Variants in PLXNA4 observed in about 807,000 individuals in gnomAD.
PLXNA4 encodes plexin A4.
In PLXNA4, 44 loss-of-function variants were observed where a neutral mutation model predicts 191.8. The observed-to-expected ratio is 0.23, with a 90% confidence interval of 0.18 to 0.29. The LOEUF (loss-of-function observed/expected upper bound fraction) is 0.29. Ranked by LOEUF, PLXNA4 falls within the 10% of genes least tolerant of loss-of-function variation. PLXNA4 has a pLI of 1.00. For synonymous variants in PLXNA4, 1,082 were observed against 1,009.5 expected, an observed-to-expected ratio of 1.07 and a Z score of -1.36; for missense variants, 1,800 against 2,488.8, an observed-to-expected ratio of 0.72 and a Z score of 5.89.
intron 3 of PLXNA4, among the ~76,000 whole-genome samples, chr7:132,394,003 G>GT (rs1232956718): frequency 1.5e-5 from 2 of 129,962 alleles, no homozygotes; most frequent in Non-Finnish European, 3.2e-5. Context: ...TTTTTTTTTC[G>GT]TATTAACTGG....
chr7:132,617,736 TAAG>T (rs1260067832), intron 2 of PLXNA4, among the ~76,000 whole-genome samples: 2 of 152,206 alleles, frequency 1.3e-5, no homozygotes, highest in African/African-American at 4.8e-5. Flanking sequence ...CCCAAGTGGA[TAAG>T]AAGAGGAGAT....
chr7:132,166,882 C>T (rs1474900985), intron 22 of PLXNA4, among the ~76,000 whole-genome samples: 2 of 152,156 alleles, frequency 1.3e-5, no homozygotes, highest in African/African-American at 2.4e-5. Flanking sequence ...TCTGCTGGCT[C>T]TTATATGCAG....
At chr7:132,647,362 TAC>T (rs1447055430) in intron 1 of PLXNA4, among the ~76,000 whole-genome samples, 5 of 145,674 alleles carry the variant, frequency 3.4e-5, no homozygotes, top group Admixed American at 6.8e-5. Flanking sequence ...TACACTGACA[TAC>T]ACACACACAT....
At chr7:132,418,952 T>C (rs961197610) in intron 3 of PLXNA4, among the ~76,000 whole-genome samples, 1 of 152,210 alleles carries the variant, frequency 6.6e-6, no homozygotes, top group Non-Finnish European at 1.5e-5. Flanking sequence ...TCCGTGACAC[T>C]TTTGGCAATA....
chr7:132,358,995 C>T (rs910794237), intron 3 of PLXNA4, among the ~76,000 whole-genome samples: 1 of 152,226 alleles, frequency 6.6e-6, no homozygotes, highest in Admixed American at 6.5e-5. Flanking sequence ...AGAAAAAGCA[C>T]CAGAATCAGA....
intron 1 of PLXNA4, among the ~76,000 whole-genome samples, chr7:132,562,997 CCTCCTT>C (rs1801353647): frequency 1.8e-5 from 2 of 114,152 alleles, no homozygotes; most frequent in African/African-American, 3.6e-5. Context: ...TCCTCCTCCT[CCTCCTT>C]CTCCTCCTCT....
chr7:132,591,228 G>A (rs1270763995), intron 2 of PLXNA4, among the ~76,000 whole-genome samples: 1 of 152,154 alleles, frequency 6.6e-6, no homozygotes, highest in Non-Finnish European at 1.5e-5. Flanking sequence ...GAAACACAGG[G>A]CCCATGTTGG....
At chr7:132,547,350 G>A (rs373468765) in intron 1 of PLXNA4, among the ~76,000 whole-genome samples, 11 of 152,150 alleles carry the variant, frequency 7.2e-5, no homozygotes, top group East Asian at 3.9e-4. Flanking sequence ...ATCTGATTTC[G>A]GAGTCTTTAC....
intron 3 of PLXNA4, among the ~76,000 whole-genome samples, chr7:132,487,609 T>C (rs137895247): frequency 5.6e-4 from 86 of 152,324 alleles, no homozygotes; most frequent in African/African-American, 1.9e-3. Flanking sequence ...TTTGGCTATC[T>C]GGTTTCCTAG....
intron 3 of PLXNA4, among the ~76,000 whole-genome samples, chr7:132,335,286 C>A (rs1802772019): frequency 6.6e-6 from 1 of 152,278 alleles, no homozygotes. Flanking sequence ...CATTTTGATT[C>A]TGGAGGGAGG....
chr7:132,502,139 A>T (rs937242312), intron 2 of PLXNA4, among the ~76,000 whole-genome samples: 2 of 152,178 alleles, frequency 1.3e-5, no homozygotes, highest in African/African-American at 2.4e-5. Context: ...GCCATTCCGG[A>T]TGCTCACTTT....
At chr7:132,392,432 T>C (rs1312841627) in intron 3 of PLXNA4, among the ~76,000 whole-genome samples, 5 of 152,188 alleles carry the variant, frequency 3.3e-5, no homozygotes, top group Admixed American at 3.3e-4. Context: ...GTGCGGACAC[T>C]GTTTCTCCCA....
chr7:132,283,166 C>T lies in PLXNA4; in HGVS notation c.1503+14925G>A, dbSNP rs980587534. 1.3e-5 allele frequency among the ~76,000 whole-genome samples: 2 copies of T among 152,004 alleles called. 1 individual carries two copies. The highest frequency in any genetic ancestry group is 2.9e-5 in the Non-Finnish European group (2 of 68,008). On this transcript the variant is annotated intron_variant, in intron 4 of 31. Coordinates refer to ENST00000321063, the MANE Select transcript of PLXNA4 (RefSeq NM_020911.2). ...GATTACAGGCATGAGCCACCGTGCC[C>T]AGCTAGCATCCAACTTTAATTGTGG...
chr7:132,326,279 C>A (rs1802353698), intron 3 of PLXNA4, among the ~76,000 whole-genome samples: 1 of 152,234 alleles, frequency 6.6e-6, no homozygotes, highest in African/African-American at 2.4e-5. Context: ...ACCTTGCCAA[C>A]TCCAGATGAG....
Position 132,168,572 on chromosome 7 carries a change from C to T in PLXNA4, c.4018G>A (p.Val1340Ile). 3 of 1,574,842 alleles carry T rather than the reference C, an allele frequency of 1.9e-6. No individual in the cohort carries two copies. Among genetic ancestry groups the T allele is most frequent in the Non-Finnish European group, 1.7e-6 (2 of 1,158,864 alleles). Reference protein sequence around the residue: ...EDHPVLRDLEVPGYRQERVEK... With the variant: ...EDHPVLRDLEIPGYRQERVEK... ...ACACGCTCCTGCCGGTAGCCCGGGA[C>T]CTGCAGAGAGACCTAGGAGTCGTGA... is the stretch of plus-strand genomic sequence containing the variant. Residue 1340 changes from valine (V) to isoleucine (I), a missense_variant and splice_region_variant, in exon 22 of 32, where the codon GTC (valine) becomes ATC (isoleucine). Transcript: ENST00000321063.
rs369306080 is a variant in PLXNA4 at position 132,198,628 on chromosome 7, C to T, written c.2595G>A (p.Pro865=). The change falls in exon 13 of 32, where the codon CCG becomes CCA. Residue 865 remains proline, a synonymous_variant. Coordinates refer to ENST00000321063, the MANE Select transcript of PLXNA4 (RefSeq NM_020911.2). ...CTNPRITEII[P]VTGPREGGTK... ...TGCCCCCTTCCCGGGGGCCTGTCACCGGGATTATCTGGAGGGAGGAAGAGA... is the reference window on the plus strand; with the variant it reads ...TGCCCCCTTCCCGGGGGCCTGTCACTGGGATTATCTGGAGGGAGGAAGAGA... The T allele has an allele frequency of 2.6e-5, 42 of 1,613,962 alleles. No individual in the cohort carries two copies. Among genetic ancestry groups the T allele is most frequent in the African/African-American group, 5.3e-5 (4 of 74,924 alleles).
chr7:132,359,853 T>C (rs1803864529), intron 3 of PLXNA4, among the ~76,000 whole-genome samples: 1 of 152,180 alleles, frequency 6.6e-6, no homozygotes, highest in South Asian at 2.1e-4. Context: ...GGGCATTATT[T>C]ACAGGGAGCG....
At position 132,124,984 on chromosome 7, in the gene PLXNA4, C is replaced by G. The variant is rs963858873; in HGVS notation, c.*5495G>C. The G allele has an allele frequency of 1.8e-4, 23 of 131,164 alleles. No homozygotes were observed. The highest frequency in any genetic ancestry group is 6.5e-4 in the African/African-American group (22 of 34,090). The allele number at this position is 131,164 out of a possible 1,614,324, so 8.1% of individuals were successfully genotyped here. On this transcript the variant is annotated 3_prime_UTR_variant, in exon 32 of 32. Transcript: ENST00000321063. Reference sequence around the variant, plus strand: ...CAAAAAATTCTATATACTTTTAAAACTTGGATACTCCCTCTAATAAAATAA... The same window carrying G: ...CAAAAAATTCTATATACTTTTAAAAGTTGGATACTCCCTCTAATAAAATAA...
intron 1 of PLXNA4, among the ~76,000 whole-genome samples, chr7:132,562,969 TC>T (rs1379372388): frequency 2.3e-5 from 2 of 86,074 alleles, no homozygotes; most frequent in African/African-American, 5.2e-5. Flanking sequence ...CTCCTCCTCC[TC>T]TCCCTCCTCC....
Sources: allele counts gnomAD v4.1 joint callset (sites outside exome capture counted in the v4.1 genomes callset), GRCh38; gene constraint gnomAD v4.1.1; transcripts MANE v1.5; gene names NCBI Gene and HGNC (gene_info 2026-07-23, HGNC 2026-07-21).